Variants in CACNA1C observed in about 807,000 individuals in gnomAD.
CACNA1C encodes the protein calcium voltage-gated channel subunit alpha1 C.
A neutral mutation model predicts 229.0 loss-of-function variants in CACNA1C; 30 were observed. That is an observed-to-expected ratio of 0.13 (90% CI 0.10 to 0.18). The LOEUF (loss-of-function observed/expected upper bound fraction) is 0.18, where lower values mean the gene tolerates loss of function less well. Ranked by LOEUF, CACNA1C falls within the 10% of genes least tolerant of loss-of-function variation. The pLI is 1.00. For synonymous variants in CACNA1C, 1,114 were observed against 1,132.5 expected (o/e 0.98, Z 0.33); for missense variants, 1,658 against 2,845.0 (o/e 0.58, Z 9.49).
chr12:2,407,155 A>G (rs2098746906), intron 3 of CACNA1C, among the ~76,000 whole-genome samples: 1 of 152,158 alleles, frequency 6.6e-6, no homozygotes, highest in Admixed American at 6.5e-5. Context: ...CCACATGGTG[A>G]ATGTCCTGGC....
rs1187453107 is a variant in CACNA1C at position 2,602,829 on chromosome 12, A to G, written c.2960+869A>G. Among the ~76,000 whole-genome samples the G allele has an allele frequency of 6.6e-6, 1 of 152,112 alleles. No individual in the cohort carries two copies. The highest frequency in any genetic ancestry group is 2.4e-5 in the African/African-American group (1 of 41,416). ...TCTAACAGCTGATAGTGTGAATCCT[A>G]CACTTTAACTTTCAAAGCACTTCCA... On this transcript the variant is annotated intron_variant, in intron 22 of 46. Coordinates refer to ENST00000399655, the MANE Select transcript of CACNA1C (RefSeq NM_000719.7). This position sits in a 1 kb window ranked among gnomAD's most constrained non-coding sequence, Gnocchi z 4.4.
chr12:2,242,177 A>G (rs546416070), intron 3 of CACNA1C, among the ~76,000 whole-genome samples: 3 of 152,184 alleles, frequency 2.0e-5, no homozygotes, highest in Non-Finnish European at 2.9e-5. Flanking sequence ...CTGCCACCCT[A>G]TCTCCTGGGA....
In CACNA1C at chr12:2,467,123, C is replaced by T. The variant is rs192681791; in HGVS notation, c.757+9417C>T. Reference sequence around the variant, plus strand: ...CACACAGCGCTGGAGGCTGCCTGGTCCCCCTGCCCGCCCATCGGAGATGGT... The same window carrying T: ...CACACAGCGCTGGAGGCTGCCTGGTTCCCCTGCCCGCCCATCGGAGATGGT... On this transcript the variant is annotated intron_variant, in intron 5 of 46. Coordinates refer to ENST00000399655, the MANE Select transcript of CACNA1C (RefSeq NM_000719.7). This position sits in a 1 kb window ranked among gnomAD's most constrained non-coding sequence, Gnocchi z 4.6. 3.7e-4 allele frequency among the ~76,000 whole-genome samples: 57 copies of T among 152,246 alleles called. No homozygotes were observed. The East Asian group carries it at 9.9e-3, about 26-fold the overall frequency.
At chr12:2,417,459 C>T (rs757270454) in intron 3 of CACNA1C, among the ~76,000 whole-genome samples, 1 of 152,142 alleles carries the variant, frequency 6.6e-6, no homozygotes, top group Non-Finnish European at 1.5e-5. Flanking sequence ...CGCTGTTTAC[C>T]TTGTCTCTGG....
intron 20 of CACNA1C, 134 bp downstream of exon 20, chr12:2,596,137 A>T (rs546283854): frequency 1.1e-6 from 1 of 879,006 alleles, no homozygotes; most frequent in Non-Finnish European, 1.7e-6. Context: ...CTAACATTTC[A>T]TTAAGAGAGT....
At chr12:2,568,396 A>G (rs952514461) in intron 13 of CACNA1C, among the ~76,000 whole-genome samples, 2 of 152,170 alleles carry the variant, frequency 1.3e-5, no homozygotes, top group African/African-American at 4.8e-5. Flanking sequence ...CACCGTGGGA[A>G]ATGGTATGGC....
intron 3 of CACNA1C, among the ~76,000 whole-genome samples, chr12:2,271,252 C>A (rs1447284526): frequency 3.3e-5 from 5 of 152,196 alleles, no homozygotes; most frequent in Non-Finnish European, 7.3e-5. Context: ...GTTTCTACTT[C>A]CCAGTTTCAT....
intron 3 of CACNA1C, among the ~76,000 whole-genome samples, chr12:2,352,235 T>G (rs950374235): frequency 3.9e-5 from 6 of 152,320 alleles, no homozygotes; most frequent in Non-Finnish European, 2.9e-5. Flanking sequence ...CATTACTTTC[T>G]TCTCCCACTC....
At chr12:2,415,766 C>T (rs182590613) in intron 3 of CACNA1C, among the ~76,000 whole-genome samples, 435 of 152,246 alleles carry the variant, frequency 2.9e-3, no homozygotes, top group African/African-American at 9.8e-3. Flanking sequence ...CAGGAGTCCC[C>T]GCCATGGTGG....
At chr12:2,011,844 G>T (rs34372181) in intron 1 of CACNA1C, among the ~76,000 whole-genome samples, 1 of 152,172 alleles carries the variant, frequency 6.6e-6, no homozygotes, top group Admixed American at 6.5e-5. Flanking sequence ...CCATCCTGTA[G>T]GTGGCTTCCT....
chr12:2,251,629 C>T (rs1268565343), intron 3 of CACNA1C, among the ~76,000 whole-genome samples: 1 of 152,222 alleles, frequency 6.6e-6, no homozygotes, highest in Admixed American at 6.5e-5. Context: ...TGGGAATGAA[C>T]ATACATATCT....
At chr12:2,150,885 C>T (rs2095187997) in intron 3 of CACNA1C, among the ~76,000 whole-genome samples, 1 of 152,148 alleles carries the variant, frequency 6.6e-6, no homozygotes, top group African/African-American at 2.4e-5. Context: ...TGGGAAATGC[C>T]TCTTGGGAAG....
chr12:2,052,020 A>G (rs1472577236), upstream of CACNA1C, among the ~76,000 whole-genome samples: 2 of 152,114 alleles, frequency 1.3e-5, no homozygotes, highest in Non-Finnish European at 2.9e-5. Flanking sequence ...GCCCCCCTGA[A>G]AGGGATCACG....
chr12:2,367,826 T>C (rs1286021889), intron 3 of CACNA1C, among the ~76,000 whole-genome samples: 3 of 152,270 alleles, frequency 2.0e-5, no homozygotes, highest in Non-Finnish European at 4.4e-5. Context: ...TAGAAAAATA[T>C]AAATTTCAAC....
chr12:2,506,871 C>T (rs973054597), intron 8 of CACNA1C, among the ~76,000 whole-genome samples: 1 of 152,120 alleles, frequency 6.6e-6, no homozygotes, highest in African/African-American at 2.4e-5. Context: ...CCACCAAGAG[C>T]CTGAAGTGGA....
At position 2,566,395 on chromosome 12, in the gene CACNA1C, A is replaced by G. The variant is rs757662279; in HGVS notation, c.1509-27A>G. The G allele has an allele frequency of 1.3e-6, 2 of 1,554,930 alleles. No individual in the cohort carries two copies. The highest frequency in any genetic ancestry group is 3.7e-5 in the Admixed American group (2 of 53,360). ...GAAACCTGAATTCACAGCCAACCCC[A>G]CCCTTCTCTCCCTGTCCCCTTTCCA... On this transcript the variant is annotated intron_variant, in intron 11 of 46. Transcript: ENST00000399655. The surrounding 1 kb of genome is among the most constrained non-coding windows in gnomAD (Gnocchi z 4.0).
intron 1 of CACNA1C, 53 bp from the exon 2 acceptor site, chr12:2,115,171 G>A (rs2083347047): frequency 1.3e-5 from 17 of 1,332,146 alleles, no homozygotes; most frequent in Non-Finnish European, 8.1e-6. Context: ...AGTGTCGGAA[G>A]TGCCCCTGTT....
chr12:2,199,380 G>T (rs1360760330), intron 3 of CACNA1C, among the ~76,000 whole-genome samples: 2 of 151,892 alleles, frequency 1.3e-5, no homozygotes, highest in Non-Finnish European at 2.9e-5. Context: ...AGACGATGAG[G>T]GTGAAAACCT....
chr12:2,605,929 C>A lies in CACNA1C; in HGVS notation c.3156+143C>A. On this transcript the variant is annotated intron_variant, in intron 24 of 46. Coordinates refer to ENST00000399655, the MANE Select transcript of CACNA1C (RefSeq NM_000719.7). This position sits in a 1 kb window ranked among gnomAD's most constrained non-coding sequence, Gnocchi z 6.2. ...TATAACCTCCACCTGCAGCCCGACT[C>A]AACCTTCAGACCAGGGTAGGGAGGC... 1.6e-6 allele frequency: 1 copy of A among 641,710 alleles called. No homozygotes were observed. 39.8% of individuals were successfully genotyped at this position (641,710 alleles called of 1,614,324 possible).
Sources: allele counts gnomAD v4.1 joint callset (sites outside exome capture counted in the v4.1 genomes callset), GRCh38; gene constraint gnomAD v4.1.1; non-coding constraint Gnocchi (gnomAD v3.1); transcripts MANE v1.5; gene names NCBI Gene and HGNC (gene_info 2026-07-23, HGNC 2026-07-21).